The following NAV3 variants were observed in gnomAD, a reference collection of about 807,000 sequenced individuals.
The protein encoded by NAV3 is pore membrane and/or filament interacting like protein 1.
In NAV3, 87 loss-of-function variants were observed where a neutral mutation model predicts 244.7. That is an observed-to-expected ratio of 0.36 (90% CI 0.30 to 0.42). NAV3 has a LOEUF of 0.42. Among genes scored for constraint, NAV3 ranks in the 20% least tolerant of loss-of-function variants. The pLI is 1.00. For synonymous variants in NAV3, 1,126 were observed against 1,042.2 expected, an observed-to-expected ratio of 1.08 and a Z score of -1.55; for missense variants, 2,663 against 2,893.3, an observed-to-expected ratio of 0.92 and a Z score of 1.83.
chr12:78,071,811 A>C (rs1227380257), intron 12 of NAV3, among the ~76,000 whole-genome samples: 1 of 152,192 alleles, frequency 6.6e-6, no homozygotes, highest in Non-Finnish European at 1.5e-5. Flanking sequence ...CAAATGTAAA[A>C]GAACAGAAAT....
At chr12:77,733,708 C>G (rs1877216132) in intron 2 of NAV3, among the ~76,000 whole-genome samples, 1 of 151,752 alleles carries the variant, frequency 6.6e-6, no homozygotes, top group Non-Finnish European at 1.5e-5. Flanking sequence ...CTGAGGGAAA[C>G]CAACAAAGCA....
In NAV3 at chr12:78,072,308, AAGAG is replaced by A. The variant is rs1207213883; in HGVS notation, c.2636+13197_2636+13200del. 3.5e-3 allele frequency among the ~76,000 whole-genome samples: 508 copies of A among 144,380 alleles called. 4 individuals are homozygous for A. The highest frequency in any genetic ancestry group is 0.012 in the African/African-American group (473 of 38,712). 94.7% of individuals were successfully genotyped at this position (144,380 alleles called of 152,430 possible). A position where few individuals can be genotyped will look rare whatever the true frequency, so the allele number is the denominator to read the frequency against. ...CGCTAGCAAGACTAATAAAGAAAAA[AAGAG>A]AGAAGAATCAAATAGACACAATAAA... On this transcript the variant is annotated intron_variant, in intron 12 of 39. Coordinates refer to ENST00000397909, the MANE Select transcript of NAV3 (RefSeq NM_001024383.2).
intron 2 of NAV3, among the ~76,000 whole-genome samples, chr12:77,616,786 G>A (rs1871160229): frequency 1.3e-5 from 2 of 151,904 alleles, no homozygotes; most frequent in African/African-American, 4.8e-5. Flanking sequence ...CATGCAATTA[G>A]TCACCTCCTC....
intron 2 of NAV3, among the ~76,000 whole-genome samples, chr12:77,763,527 G>A (rs1869594276): frequency 6.6e-6 from 1 of 152,278 alleles, no homozygotes; most frequent in African/African-American, 2.4e-5. Context: ...AACTCATGAG[G>A]CTCAAACCCT....
intron 3 of NAV3, among the ~76,000 whole-genome samples, chr12:77,955,746 T>C (rs1191152202): frequency 6.6e-6 from 1 of 152,108 alleles, no homozygotes; most frequent in East Asian, 1.9e-4. Context: ...GGTGCACACC[T>C]GTAGTCCTAG....
intron 2 of NAV3, among the ~76,000 whole-genome samples, chr12:77,643,060 A>G (rs1207671388): frequency 1.3e-5 from 2 of 151,882 alleles, no homozygotes; most frequent in African/African-American, 2.4e-5. Flanking sequence ...GTTCTGGACA[A>G]TCTTCAAATA....
intron 2 of NAV3, among the ~76,000 whole-genome samples, chr12:77,651,992 A>G (rs2136993666): frequency 1.3e-5 from 2 of 152,280 alleles, no homozygotes; most frequent in East Asian, 3.9e-4. Flanking sequence ...AGTGGTGGGG[A>G]TGTGATGACC....
At chr12:77,650,687 A>T (rs1470575588) in intron 2 of NAV3, among the ~76,000 whole-genome samples, 3 of 152,106 alleles carry the variant, frequency 2.0e-5, no homozygotes, top group Admixed American at 2.0e-4. Context: ...ATTTTTGTAA[A>T]TAGATTTTTG....
At chr12:77,602,548 G>A (rs1443408119) in intron 2 of NAV3, among the ~76,000 whole-genome samples, 1 of 151,928 alleles carries the variant, frequency 6.6e-6, no homozygotes, top group African/African-American at 2.4e-5. Flanking sequence ...TAATAGCAGA[G>A]ATCTAAAGGA....
At chr12:78,098,495 A>C (rs1269260932) in intron 12 of NAV3, among the ~76,000 whole-genome samples, 1 of 151,952 alleles carries the variant, frequency 6.6e-6, no homozygotes. Flanking sequence ...TAGTTGTCTA[A>C]AAAGGGATTC....
At chr12:77,843,177 G>C (rs1404132935) in intron 1 of NAV3, among the ~76,000 whole-genome samples, 2 of 151,816 alleles carry the variant, frequency 1.3e-5, no homozygotes, top group African/African-American at 4.8e-5. Context: ...CCTTTGGCTG[G>C]CTTTTTGATA....
chr12:78,021,951 C>G, intron 9 of NAV3, 89 bp downstream of exon 9: 1 of 715,522 alleles, frequency 1.4e-6, no homozygotes, highest in Non-Finnish European at 2.2e-6. Context: ...ATGTGGTATA[C>G]TGTTTTTAGT....
chr12:78,183,409 T>G (rs1958581069), intron 30 of NAV3, among the ~76,000 whole-genome samples: 1 of 151,944 alleles, frequency 6.6e-6, no homozygotes, highest in South Asian at 2.1e-4. Context: ...TCTTTTATGT[T>G]CTCAATAACT....
At chr12:78,062,134 A>G (rs1884413191) in intron 12 of NAV3, among the ~76,000 whole-genome samples, 1 of 152,168 alleles carries the variant, frequency 6.6e-6, no homozygotes, top group Non-Finnish European at 1.5e-5. Context: ...TGTCTATTTC[A>G]CTCATAGAAC....
At chr12:77,837,974 G>C (rs1332444572) in intron 1 of NAV3, among the ~76,000 whole-genome samples, 1 of 152,204 alleles carries the variant, frequency 6.6e-6, no homozygotes, top group Non-Finnish European at 1.5e-5. Context: ...GAAGTTGCCT[G>C]ATTGCTGAGG....
At chr12:77,965,369 T>C (rs1565966962) in intron 3 of NAV3, among the ~76,000 whole-genome samples, 1 of 152,136 alleles carries the variant, frequency 6.6e-6, no homozygotes, top group South Asian at 2.1e-4. Flanking sequence ...CCTGTAATCC[T>C]AAAACTTTGG....
chr12:78,167,118 A>T (rs1479672804), intron 23 of NAV3, among the ~76,000 whole-genome samples: 1 of 151,752 alleles, frequency 6.6e-6, no homozygotes, highest in Non-Finnish European at 1.5e-5. Flanking sequence ...TTAAATGGAA[A>T]ATATATTAAG....
chr12:77,841,906 G>A (rs1030854451), intron 1 of NAV3, among the ~76,000 whole-genome samples: 1 of 152,066 alleles, frequency 6.6e-6, no homozygotes, highest in African/African-American at 2.4e-5. Context: ...CTATTTCATT[G>A]GTCAGAACTC....
intron 2 of NAV3, among the ~76,000 whole-genome samples, chr12:77,623,819 CTG>C (rs1871493519): frequency 6.6e-6 from 1 of 152,098 alleles, no homozygotes; most frequent in South Asian, 2.1e-4. Flanking sequence ...ATGAAAGAAT[CTG>C]TAAAAAACTG....
Sources: allele counts gnomAD v4.1 joint callset (sites outside exome capture counted in the v4.1 genomes callset), GRCh38; gene constraint gnomAD v4.1.1; transcripts MANE v1.5; gene names NCBI Gene and HGNC (gene_info 2026-07-23, HGNC 2026-07-21).